The following ARF5 variants were observed in gnomAD, a reference collection of about 807,000 sequenced individuals.
ARF5 encodes the protein ADP-ribosylation factor 5.
Under a neutral mutation model 24.8 loss-of-function variants are expected in ARF5, and 10 were observed. That is an observed-to-expected ratio of 0.40 (90% CI 0.25 to 0.68). The LOEUF (loss-of-function observed/expected upper bound fraction) is 0.68. Ranked by LOEUF, ARF5 falls within the 30% of genes least tolerant of loss-of-function variation. ARF5 has a pLI of 0.36. For synonymous variants in ARF5, 102 were observed against 95.1 expected (o/e 1.07, Z -0.42); for missense variants, 135 against 239.2 (o/e 0.56, Z 2.87).
In ARF5 at chr7:127,588,476, C is replaced by T. The variant is rs771928020; in HGVS notation, c.-23C>T. On this transcript the variant is annotated 5_prime_UTR_variant, in exon 1 of 6. Transcript: ENST00000000233. ...CCAGCCCGCACCCCGCGTCGGTGCC[C>T]GCGCCCCTCCCCGGGCCCCGCCATG... The T allele has an allele frequency of 7.7e-6, 11 of 1,425,506 alleles. No individual in the cohort carries two copies. In the African/African-American group the frequency reaches 1.5e-4, roughly 19 times the overall value. 88.3% of individuals were successfully genotyped at this position (1,425,506 alleles called of 1,614,324 possible). A position where few individuals can be genotyped will look rare whatever the true frequency, so the allele number is the denominator to read the frequency against.
intron 1 of ARF5, 115 bp downstream of exon 1, chr7:127,588,680 T>G: frequency 2.0e-6 from 2 of 1,002,098 alleles, no homozygotes; most frequent in Non-Finnish European, 2.7e-6. Context: ...GTCACCCACC[T>G]CATAACGCCC....
chr7:127,590,236 AC>A, intron 4 of ARF5, 99 bp downstream of exon 4: 2 of 955,110 alleles, frequency 2.1e-6, no homozygotes, highest in South Asian at 1.3e-5. Context: ...GGCATTGAAG[AC>A]CAGGAATATA....
chr7:127,590,251 T>G, intron 4 of ARF5, 114 bp downstream of exon 4: 1 of 860,832 alleles, frequency 1.2e-6, no homozygotes, highest in Non-Finnish European at 1.9e-6. Context: ...GAATATAAGT[T>G]TTTCTTTGTG....
Position 127,591,406 on chromosome 7 carries a change from C to T in ARF5, c.*107C>T. On this transcript the variant is annotated 3_prime_UTR_variant, in exon 6 of 6. Coordinates refer to ENST00000000233, the MANE Select transcript of ARF5 (RefSeq NM_001662.4). ...TGCCCTTTCCTCCCACTTTTCCTCC[C>T]CCATAGCCACAGGCCTCTGCTCCTG... 2.1e-6 allele frequency: 2 copies of T among 966,534 alleles called. No individual in the cohort carries two copies. The highest frequency in any genetic ancestry group is 1.8e-5 in the South Asian group (1 of 56,836). The allele number at this position is 966,534 out of a possible 1,614,324, so 59.9% of individuals were successfully genotyped here.
chr7:127,589,614 C>T lies in ARF5; in HGVS notation c.258+20C>T, dbSNP rs755911930. 19 of 1,565,504 alleles carry T rather than the reference C, an allele frequency of 1.2e-5. No individual in the cohort carries two copies. In the African/African-American group the frequency reaches 2.6e-4, roughly 21 times the overall value. ...ACTCAGGTGGAGTGTTGGGAGGGGA[C>T]TTTCTAACCCCACGGGAAAAGGTGT... On this transcript the variant is annotated intron_variant, in intron 3 of 5. Coordinates refer to ENST00000000233, the MANE Select transcript of ARF5 (RefSeq NM_001662.4).
intron 1 of ARF5, 121 bp from the exon 2 acceptor site, chr7:127,588,962 A>C: frequency 8.5e-7 from 1 of 1,175,866 alleles, no homozygotes. Context: ...AACGACGCGC[A>C]CCTGGAGGCG....
At chr7:127,589,429 T>C in intron 2 of ARF5, 56 bp from the exon 3 acceptor site, 1 of 1,423,082 alleles carries the variant, frequency 7.0e-7, no homozygotes, top group Admixed American at 1.7e-5. Flanking sequence ...TAAGTAGTTT[T>C]AGTGAGTTCC....
intron 2 of ARF5, 26 bp from the exon 3 acceptor site, chr7:127,589,459 C>T (rs190575120): frequency 3.2e-6 from 5 of 1,562,856 alleles, no homozygotes; most frequent in East Asian, 2.2e-5. Flanking sequence ...GGAGTTTTCT[C>T]ATCTTTTTTT....
Position 127,591,491 on chromosome 7 carries a change from G to C in ARF5, c.*192G>C, listed in dbSNP as rs1460028459. On this transcript the variant is annotated 3_prime_UTR_variant, in exon 6 of 6. Transcript: ENST00000000233. ...TGGAGCCTTGCTCTCTGGGCACAGA[G>C]GGGTCCACTCTCCTGCCTGCTGGGA... is the stretch of plus-strand genomic sequence containing the variant. The C allele has an allele frequency of 5.4e-6, 3 of 555,070 alleles. No individual in the cohort carries two copies. In the South Asian group the frequency reaches 7.5e-5, roughly 14 times the overall value. 34.4% of individuals were successfully genotyped at this position (555,070 alleles called of 1,614,324 possible). A position where few individuals can be genotyped will look rare whatever the true frequency, so the allele number is the denominator to read the frequency against.
At position 127,589,059 on chromosome 7, in the gene ARF5, T is replaced by C. The variant is rs770117785; in HGVS notation, c.68-24T>C. ...GGGGGCTCCCTCGCTCCCATCTCCATCCCTGTGCCCCTTTCCGTTGCAGTT... is the reference window on the plus strand; with the variant it reads ...GGGGGCTCCCTCGCTCCCATCTCCACCCCTGTGCCCCTTTCCGTTGCAGTT... On this transcript the variant is annotated intron_variant, in intron 1 of 5. Coordinates refer to ENST00000000233, the MANE Select transcript of ARF5 (RefSeq NM_001662.4). 3.7e-6 allele frequency: 6 copies of C among 1,613,852 alleles called. No homozygotes were observed. In the South Asian group the frequency reaches 6.6e-5, roughly 18 times the overall value.
chr7:127,589,680 C>G, intron 3 of ARF5, 86 bp downstream of exon 3: 1 of 1,143,102 alleles, frequency 8.7e-7, no homozygotes, highest in Non-Finnish European at 1.3e-6. Context: ...GGCTGGGCCC[C>G]CAGGCCAAGG....
chr7:127,590,939 C>T lies in ARF5; in HGVS notation c.331-24C>T, dbSNP rs1351461491. 6.9e-6 allele frequency: 11 copies of T among 1,605,820 alleles called. No individual in the cohort carries two copies. The East Asian group carries it at 2.0e-4, about 29-fold the overall frequency. ...CAGTAGAGGAGACGCAGCCTGGGTC[C>T]CACCTTCTCTTCTCCTCTCTCAGCT... On this transcript the variant is annotated intron_variant, in intron 4 of 5. Transcript: ENST00000000233.
Position 127,589,589 on chromosome 7 carries a change from A to G in ARF5, c.253A>G (p.Thr85Ala). Residue 85 changes from threonine to alanine, a missense_variant, in exon 3 of 6, where the codon ACT becomes GCT. Transcript: ENST00000000233. Reference protein sequence around the residue: ...RPLWRHYFQNTQGLIFVVDSN... With the variant: ...RPLWRHYFQNAQGLIFVVDSN... ...TCTGTGGCGGCACTACTTCCAGAAC[A>G]CTCAGGTGGAGTGTTGGGAGGGGAC... The G allele has an allele frequency of 6.2e-7, 1 of 1,611,908 alleles. No homozygotes were observed. Among genetic ancestry groups the G allele is most frequent in the Non-Finnish European group, 8.5e-7 (1 of 1,178,328 alleles).
rs1036919496 is a variant in ARF5, at chr7:127,591,366, G to A, written c.*67G>A. The A allele has an allele frequency of 2.0e-5, 28 of 1,380,148 alleles. No homozygotes were observed. The highest frequency in any genetic ancestry group is 1.1e-4 in the Admixed American group (4 of 37,542). The allele number at this position is 1,380,148 out of a possible 1,614,324, so 85.5% of individuals were successfully genotyped here. On this transcript the variant is annotated 3_prime_UTR_variant, in exon 6 of 6. Transcript: ENST00000000233. ...GCATCCCCGGGATGACCAGACTCCC[G>A]GACTCCTCAGGCAGTGCCCTTTCCT...
Position 127,588,571 on chromosome 7 carries a change from G to C in ARF5, c.67+6G>C. ...GCAGATGCGGATTCTCATGGGTGAG[G>C]CAGATCGAGCGCGCGGCCCGGACCG... On this transcript the variant is annotated splice_donor_region_variant and intron_variant, in intron 1 of 5. Transcript: ENST00000000233. 1 of 1,419,006 alleles carries C rather than the reference G, an allele frequency of 7.0e-7. No homozygotes were observed. The highest frequency in any genetic ancestry group is 9.3e-7 in the Non-Finnish European group (1 of 1,071,756). 87.9% of individuals were successfully genotyped at this position (1,419,006 alleles called of 1,614,324 possible).
At position 127,591,104 on chromosome 7, in the gene ARF5, A is replaced by T; in HGVS notation, c.456+16A>T. ...CAGCCGCACGGTAGGGGTCCTGCCCACCTGGTGCTGAATCCTGCCTCTTGA... is the reference window on the plus strand; with the variant it reads ...CAGCCGCACGGTAGGGGTCCTGCCCTCCTGGTGCTGAATCCTGCCTCTTGA... On this transcript the variant is annotated intron_variant, in intron 5 of 5. Transcript: ENST00000000233. 6.2e-7 allele frequency: 1 copy of T among 1,613,510 alleles called. No homozygotes were observed. Among genetic ancestry groups the T allele is most frequent in the Non-Finnish European group, 8.5e-7 (1 of 1,179,794 alleles).
Position 127,591,573 on chromosome 7 carries a change from T to TG in ARF5, c.*277dup. 1 of 437,384 alleles carries TG rather than the reference T, an allele frequency of 2.3e-6. No homozygotes were observed. Among genetic ancestry groups the TG allele is most frequent in the Non-Finnish European group, 4.0e-6 (1 of 247,740 alleles). The allele number at this position is 437,384 out of a possible 1,614,324, so 27.1% of individuals were successfully genotyped here. A position where few individuals can be genotyped will look rare whatever the true frequency, so the allele number is the denominator to read the frequency against. Reference sequence around the variant, plus strand: ...CTCTTCCAGAGGAGGAGCAGGGATCTGGGTTTCCTTTTTTTTTTCTGTTTT... The same window carrying TG: ...CTCTTCCAGAGGAGGAGCAGGGATCTGGGGTTTCCTTTTTTTTTTCTGTTTT... On this transcript the variant is annotated 3_prime_UTR_variant, in exon 6 of 6. Transcript: ENST00000000233.
chr7:127,588,990 A>G (rs553202592), intron 1 of ARF5, 93 bp from the exon 2 acceptor site: 19 of 1,428,468 alleles, frequency 1.3e-5, no homozygotes, highest in Non-Finnish European at 1.8e-5. Flanking sequence ...TCTCCGCCCC[A>G]GTCACCATCA....
In ARF5 at chr7:127,590,688, T is replaced by C. The variant is rs1240110375; in HGVS notation, c.331-275T>C. ...GAAGTTGTGGGAGAGATGGGACTTATATGTGGCAAAGAGAAACATTTTACA... is the reference window on the plus strand; with the variant it reads ...GAAGTTGTGGGAGAGATGGGACTTACATGTGGCAAAGAGAAACATTTTACA... On this transcript the variant is annotated intron_variant, in intron 4 of 5. Transcript: ENST00000000233. Among the ~76,000 whole-genome samples, 6 of 152,242 alleles carry C rather than the reference T, an allele frequency of 3.9e-5. No homozygotes were observed. In the South Asian group the frequency reaches 8.3e-4, roughly 21 times the overall value.
Sources: allele counts gnomAD v4.1 joint callset (sites outside exome capture counted in the v4.1 genomes callset), GRCh38; gene constraint gnomAD v4.1.1; transcripts MANE v1.5; gene names NCBI Gene and HGNC (gene_info 2026-07-23, HGNC 2026-07-21).